The following ANKRD20A1 variants were observed in gnomAD, a reference collection of about 807,000 sequenced individuals.
The protein encoded by ANKRD20A1 is ankyrin repeat domain 20 family member A1.
ANKRD20A1 carries 2 observed loss-of-function variants against 50.9 expected under a neutral mutation model. The ratio of observed to expected loss-of-function variants is 0.04; its 90% CI spans 0.02 to 0.12. ANKRD20A1 has a LOEUF of 0.12. Ranked by LOEUF, ANKRD20A1 falls within the 10% of genes least tolerant of loss-of-function variation. The probability of loss-of-function intolerance (pLI) is 1.00; values close to 1 mark genes in which losing one functional copy is unlikely to be tolerated. For missense variants in ANKRD20A1, 31 were observed against 548.1 expected, an observed-to-expected ratio of 0.06 and a Z score of 9.42; for synonymous variants, 10 against 186.2, an observed-to-expected ratio of 0.05 and a Z score of 7.70.
intron 8 of ANKRD20A1, among the ~76,000 whole-genome samples, chr9:67,882,884 G>T: frequency 6.6e-6 from 1 of 150,594 alleles, no homozygotes; most frequent in Non-Finnish European, 1.5e-5. Flanking sequence ...AGAACATGCA[G>T]TGTTTGGTTT....
In ANKRD20A1 at chr9:67,897,756, T is replaced by G. The variant is rs754875917; in HGVS notation, c.1316+34T>G. ...ATAGCAGTGTTTTTTTTTTTGTTTG[T>G]TTGGTTTTGGGTTTTTTTTGTTTGT... On this transcript the variant is annotated intron_variant, in intron 13 of 14. Transcript: ENST00000562196. The G allele has an allele frequency of 1.8e-5, 22 of 1,229,754 alleles. 1 individual carries two copies. Among genetic ancestry groups the G allele is most frequent in the Middle Eastern group, 3.1e-4 (1 of 3,258 alleles). The allele number at this position is 1,229,754 out of a possible 1,614,324, so 76.2% of individuals were successfully genotyped here.
rs1453032345 is a variant in ANKRD20A1 at position 67,886,461 on chromosome 9, T to G, written c.980-815T>G. On this transcript the variant is annotated intron_variant, in intron 9 of 14. Transcript: ENST00000562196. The stretch of plus-strand genomic sequence containing the variant: ...CATTCTGTGAATACCAAAATTCTCT[T>G]TTTCAATAAATACTGCACTGATTTT... Among the ~76,000 whole-genome samples the G allele has an allele frequency of 3.5e-5, 2 of 57,946 alleles. 1 individual carries two copies. Among genetic ancestry groups the G allele is most frequent in the Non-Finnish European group, 7.2e-5 (2 of 27,874 alleles). 38.0% of individuals were successfully genotyped at this position (57,946 alleles called of 152,430 possible). A position where few individuals can be genotyped will look rare whatever the true frequency, so the allele number is the denominator to read the frequency against.
At chr9:67,881,040 T>C (rs1212716413) in intron 8 of ANKRD20A1, among the ~76,000 whole-genome samples, 1 of 145,430 alleles carries the variant, frequency 6.9e-6, no homozygotes, top group Non-Finnish European at 1.5e-5. Flanking sequence ...AACTTATTAT[T>C]TTGGTATCAT....
rs1827493170 is a variant in ANKRD20A1 at position 67,860,405 on chromosome 9, AAC to A, written c.203+780_203+781del. On this transcript the variant is annotated intron_variant, in intron 1 of 14. Transcript: ENST00000562196. Reference sequence around the variant, plus strand: ...ATATTACTGATATGTATACATATATAACACATATGTTATATATATCAGTTATA... The same window carrying A: ...ATATTACTGATATGTATACATATATAACATATGTTATATATATCAGTTATA... The A allele has an allele frequency of 1.7e-4, 6 of 35,942 alleles. 3 individuals are homozygous for A. Among genetic ancestry groups the A allele is most frequent in the Admixed American group, 7.9e-4 (4 of 5,082 alleles). The allele number at this position is 35,942 out of a possible 1,614,324, so 2.2% of individuals were successfully genotyped here.
rs1410399682 is a variant in ANKRD20A1 at position 67,882,593 on chromosome 9, C to T, written c.895-1893C>T. The stretch of plus-strand genomic sequence containing the variant: ...TAACATTTCTTAAGCTTTTTATTAG[C>T]TCCAACTCATGTTTTATTAAATATA... On this transcript the variant is annotated intron_variant, in intron 8 of 14. Coordinates refer to ENST00000562196, the MANE Select transcript of ANKRD20A1 (RefSeq NM_032250.5). Among the ~76,000 whole-genome samples the T allele has an allele frequency of 2.7e-5, 4 of 149,954 alleles. No homozygotes were observed. In the South Asian group the frequency reaches 6.4e-4, roughly 24 times the overall value.
intron 6 of ANKRD20A1, among the ~76,000 whole-genome samples, chr9:67,875,240 TG>T (rs1827706767): frequency 1.3e-5 from 1 of 76,200 alleles, no homozygotes; most frequent in African/African-American, 3.9e-5. Flanking sequence ...GGTTTTGCCA[TG>T]TTGGCCAGGC....
rs1323425216 is a variant in ANKRD20A1 at position 67,871,154 on chromosome 9, T to G, written c.738-3T>G. 5 of 1,438,012 alleles carry G rather than the reference T, an allele frequency of 3.5e-6. No individual in the cohort carries two copies. In the African/African-American group the frequency reaches 7.3e-5, roughly 21 times the overall value. The allele number at this position is 1,438,012 out of a possible 1,614,324, so 89.1% of individuals were successfully genotyped here. On this transcript the variant is annotated splice_region_variant and splice_polypyrimidine_tract_variant and intron_variant, in intron 5 of 14. Transcript: ENST00000562196. ...ATTTTATTTATTACTTTTGTATACA[T>G]AGAATTCAACAACAAATTTTGGAAC...
At chr9:67,871,487 G>A in intron 6 of ANKRD20A1, among the ~76,000 whole-genome samples, 1 of 136,000 alleles carries the variant, frequency 7.4e-6, no homozygotes, top group African/African-American at 2.8e-5. Flanking sequence ...TATTAATTAT[G>A]ATCCCTAAAA....
intron 11 of ANKRD20A1, among the ~76,000 whole-genome samples, chr9:67,891,231 T>C (rs1827942305): frequency 7.8e-6 from 1 of 128,808 alleles, no homozygotes; most frequent in Admixed American, 8.7e-5. Flanking sequence ...GAGGCAGCAG[T>C]TGCGGTGAGC....
intron 8 of ANKRD20A1, among the ~76,000 whole-genome samples, chr9:67,881,662 G>A (rs1404277927): frequency 3.3e-5 from 5 of 152,272 alleles, no homozygotes; most frequent in Non-Finnish European, 7.3e-5. Flanking sequence ...AGGCGTGATG[G>A]TGCATGCCTG....
At chr9:67,897,813 G>C (rs1434401543) in intron 13 of ANKRD20A1, 91 bp downstream of exon 13, 3 of 441,690 alleles carry the variant, frequency 6.8e-6, no homozygotes, top group African/African-American at 2.5e-5. Context: ...TTTCTCTCTT[G>C]TTGCCCAAGC....
intron 3 of ANKRD20A1, among the ~76,000 whole-genome samples, chr9:67,866,281 C>T (rs1485956695): frequency 8.6e-5 from 13 of 150,530 alleles, no homozygotes; most frequent in Admixed American, 2.0e-4. Flanking sequence ...ACTAGGGTCC[C>T]GGGATTACCA....
chr9:67,884,828 T>G (rs1393025510), intron 9 of ANKRD20A1, among the ~76,000 whole-genome samples: 2 of 151,348 alleles, frequency 1.3e-5, no homozygotes, highest in Non-Finnish European at 2.9e-5. Flanking sequence ...AGGCGGGGCT[T>G]GCAGTGAGCG....
chr9:67,884,614 G>A, intron 9 of ANKRD20A1, 44 bp downstream of exon 9: 1 of 1,589,242 alleles, frequency 6.3e-7, no homozygotes, highest in Middle Eastern at 2.3e-4. Context: ...ATGGAGGCCG[G>A]GTGCGGTGGC....
intron 9 of ANKRD20A1, among the ~76,000 whole-genome samples, chr9:67,885,394 T>G (rs1241059792): frequency 3.4e-4 from 52 of 152,284 alleles, no homozygotes; most frequent in African/African-American, 1.2e-3. Flanking sequence ...TTGAGGCACC[T>G]CACCACACAG....
At chr9:67,865,723 C>T (rs1290729126) in intron 3 of ANKRD20A1, among the ~76,000 whole-genome samples, 1 of 129,970 alleles carries the variant, frequency 7.7e-6, no homozygotes, top group African/African-American at 2.8e-5. Context: ...TTATAGAAGG[C>T]AGGTATTCTC....
intron 6 of ANKRD20A1, among the ~76,000 whole-genome samples, chr9:67,873,797 CAT>C (rs1827698869): frequency 1.8e-5 from 1 of 56,756 alleles, no homozygotes; most frequent in African/African-American, 7.2e-5. Context: ...ATTTTGACAA[CAT>C]ATGTGCAGTG....
chr9:67,882,031 G>A (rs1174028226), intron 8 of ANKRD20A1, among the ~76,000 whole-genome samples: 3 of 142,476 alleles, frequency 2.1e-5, no homozygotes, highest in Non-Finnish European at 3.1e-5. Context: ...CCAGGCTGGA[G>A]GGCACTGGTG....
intron 13 of ANKRD20A1, among the ~76,000 whole-genome samples, chr9:67,898,402 C>T (rs1378837598): frequency 2.2e-5 from 3 of 139,216 alleles, no homozygotes; most frequent in African/African-American, 7.5e-5. Flanking sequence ...ATCCCTTTAA[C>T]TCAACAACTC....
Sources: allele counts gnomAD v4.1 joint callset (sites outside exome capture counted in the v4.1 genomes callset), GRCh38; gene constraint gnomAD v4.1.1; transcripts MANE v1.5; gene names NCBI Gene and HGNC (gene_info 2026-07-23, HGNC 2026-07-21).